Variants in RNF180 observed in about 807,000 individuals in gnomAD.
RNF180 encodes E3 ubiquitin-protein ligase RNF180.
Under a neutral mutation model 59.2 loss-of-function variants are expected in RNF180, and 38 were observed. That is an observed-to-expected ratio of 0.64 (90% CI 0.50 to 0.84). The LOEUF (loss-of-function observed/expected upper bound fraction) is 0.84. Ranked by LOEUF, RNF180 falls within the 40% of genes least tolerant of loss-of-function variation. The probability of loss-of-function intolerance (pLI) is 0.00; values close to 1 mark genes in which losing one functional copy is unlikely to be tolerated. For missense variants in RNF180, 705 were observed against 700.9 expected, an observed-to-expected ratio of 1.01 and a Z score of -0.07; for synonymous variants, 262 against 240.3, an observed-to-expected ratio of 1.09 and a Z score of -0.84.
At chr5:64,239,923 C>A (rs1311943738) in intron 5 of RNF180, among the ~76,000 whole-genome samples, 2 of 152,112 alleles carry the variant, frequency 1.3e-5, no homozygotes, top group Non-Finnish European at 2.9e-5. Context: ...CTTTCCAAAT[C>A]TTTAATTAAA....
Position 64,214,263 on chromosome 5 carries a change from G to T in RNF180, c.937G>T (p.Gly313Cys). 6.2e-7 allele frequency: 1 copy of T among 1,613,948 alleles called. No individual in the cohort carries two copies. The highest frequency in any genetic ancestry group is 8.5e-7 in the Non-Finnish European group (1 of 1,179,988). ...ACAAAGAGGAGGAGAATTTCAGTGT[G>T]GTCTAGAAGCTGCTTCAGTGTATTC... ...QTQRGGEFQC[G>C]LEAASVYSDH... The change falls in exon 4 of 8, where the codon GGT (glycine) becomes TGT (cysteine). Residue 313 changes from glycine to cysteine, a missense_variant. Physicochemically the swap from Gly to Cys is radical, Grantham distance 159. Coordinates refer to ENST00000389100, the MANE Select transcript of RNF180 (RefSeq NM_001113561.2).
chr5:64,215,939 A>G (rs1752598204), intron 4 of RNF180, among the ~76,000 whole-genome samples: 2 of 152,184 alleles, frequency 1.3e-5, no homozygotes, highest in Non-Finnish European at 2.9e-5. Context: ...TTTCCATCAT[A>G]GGAATACTCT....
chr5:64,214,571 T>C (rs1228297062), intron 4 of RNF180, 54 bp downstream of exon 4: 28 of 1,491,656 alleles, frequency 1.9e-5, no homozygotes, highest in Non-Finnish European at 2.4e-5. Flanking sequence ...TACTGGAGTT[T>C]GGGGAGTGGA....
chr5:64,287,708 A>C (rs1314853957), intron 5 of RNF180, among the ~76,000 whole-genome samples: 5 of 152,046 alleles, frequency 3.3e-5, no homozygotes, highest in Non-Finnish European at 7.4e-5. Context: ...TTTGTTGGCC[A>C]CGTGAATGTC....
At chr5:64,235,036 G>A (rs1742349714) in intron 5 of RNF180, among the ~76,000 whole-genome samples, 1 of 152,184 alleles carries the variant, frequency 6.6e-6, no homozygotes, top group Non-Finnish European at 1.5e-5. Context: ...CAGTACTTTG[G>A]GAGGCCAGGG....
chr5:64,225,193 G>A (rs1481102932), intron 5 of RNF180, among the ~76,000 whole-genome samples: 1 of 152,260 alleles, frequency 6.6e-6, no homozygotes, highest in Non-Finnish European at 1.5e-5. Flanking sequence ...AGTGCTAGCT[G>A]TGTTTGATGA....
At chr5:64,362,805 C>T (rs1049942676) in intron 7 of RNF180, among the ~76,000 whole-genome samples, 2 of 151,784 alleles carry the variant, frequency 1.3e-5, no homozygotes, top group African/African-American at 4.8e-5. Context: ...GATGGTATCT[C>T]ATTGTGGTTT....
chr5:64,354,880 T>C (rs974325450), intron 7 of RNF180, among the ~76,000 whole-genome samples: 2 of 151,892 alleles, frequency 1.3e-5, no homozygotes, highest in African/African-American at 4.8e-5. Flanking sequence ...CACCCTGTCA[T>C]GATAAACACA....
At chr5:64,248,327 A>G (rs1167293378) in intron 5 of RNF180, among the ~76,000 whole-genome samples, 2 of 152,230 alleles carry the variant, frequency 1.3e-5, no homozygotes, top group Non-Finnish European at 2.9e-5. Context: ...GGCAACCTAC[A>G]GAATGGAAGA....
At chr5:64,192,099 C>A (rs1243084562) in intron 1 of RNF180, among the ~76,000 whole-genome samples, 6 of 151,838 alleles carry the variant, frequency 4.0e-5, no homozygotes. Context: ...ATCACTTGAT[C>A]ATATATGCCT....
chr5:64,287,115 T>G (rs1037054454), intron 5 of RNF180, among the ~76,000 whole-genome samples: 7 of 152,108 alleles, frequency 4.6e-5, no homozygotes, highest in Non-Finnish European at 8.8e-5. Context: ...TACAGGCACC[T>G]GCCACCACAC....
At chr5:64,247,979 G>GA (rs1235328155) in intron 5 of RNF180, among the ~76,000 whole-genome samples, 1 of 152,114 alleles carries the variant, frequency 6.6e-6, no homozygotes, top group Non-Finnish European at 1.5e-5. Flanking sequence ...TCTGATCTTT[G>GA]ACAAACCTGA....
intron 1 of RNF180, among the ~76,000 whole-genome samples, chr5:64,183,057 A>G (rs920862613): frequency 1.3e-5 from 2 of 152,216 alleles, no homozygotes; most frequent in African/African-American, 4.8e-5. Flanking sequence ...TGCATCCTCC[A>G]TTTCAGTATG....
At chr5:64,287,855 G>A (rs538172435) in intron 5 of RNF180, among the ~76,000 whole-genome samples, 8 of 152,056 alleles carry the variant, frequency 5.3e-5, no homozygotes, top group Non-Finnish European at 1.0e-4. Flanking sequence ...TAGGTTGTCG[G>A]TTCACTCTGA....
chr5:64,255,558 C>T (rs969097762), intron 5 of RNF180, among the ~76,000 whole-genome samples: 10 of 152,156 alleles, frequency 6.6e-5, no homozygotes, highest in Non-Finnish European at 1.0e-4. Context: ...CATAGTATTC[C>T]ATGGTGTATA....
chr5:64,261,490 T>G (rs577880337), intron 5 of RNF180, among the ~76,000 whole-genome samples: 1 of 152,292 alleles, frequency 6.6e-6, no homozygotes, highest in Non-Finnish European at 1.5e-5. Flanking sequence ...AAGTGTCCTT[T>G]TACATATTCC....
intron 7 of RNF180, among the ~76,000 whole-genome samples, chr5:64,340,593 T>A (rs1198718970): frequency 6.6e-6 from 1 of 152,086 alleles, no homozygotes; most frequent in Non-Finnish European, 1.5e-5. Context: ...TCAGAGAAAA[T>A]TTAAAATATG....
chr5:64,215,828 AC>A (rs898686899), intron 4 of RNF180, among the ~76,000 whole-genome samples: 5 of 152,176 alleles, frequency 3.3e-5, no homozygotes, highest in African/African-American at 1.2e-4. Flanking sequence ...TGAAAATTAT[AC>A]TTTGTACTGT....
chr5:64,231,110 C>T (rs1742073449), intron 5 of RNF180, among the ~76,000 whole-genome samples: 1 of 152,178 alleles, frequency 6.6e-6, no homozygotes, highest in Non-Finnish European at 1.5e-5. Flanking sequence ...GCAAGGGCTG[C>T]TTAGGTAAAA....
Sources: allele counts gnomAD v4.1 joint callset (sites outside exome capture counted in the v4.1 genomes callset), GRCh38; gene constraint gnomAD v4.1.1; transcripts MANE v1.5; gene names NCBI Gene and HGNC (gene_info 2026-07-23, HGNC 2026-07-21).